RAPGEF5: variants seen among roughly 807,000 people sequenced by gnomAD.
RAPGEF5 encodes the protein Rap guanine nucleotide exchange factor 5, also known as M-Ras-regulated GEF.
In RAPGEF5, 65 loss-of-function variants were observed where a neutral mutation model predicts 125.2. The ratio of observed to expected loss-of-function variants is 0.52; its 90% CI spans 0.43 to 0.64. The LOEUF (loss-of-function observed/expected upper bound fraction) is 0.64. Among genes scored for constraint, RAPGEF5 ranks in the 30% least tolerant of loss-of-function variants. RAPGEF5 has a pLI of 0.00. For synonymous variants in RAPGEF5, 391 were observed against 385.9 expected, an observed-to-expected ratio of 1.01 and a Z score of -0.16; for missense variants, 958 against 1,048.1, an observed-to-expected ratio of 0.91 and a Z score of 1.19.
intron 5 of RAPGEF5, among the ~76,000 whole-genome samples, chr7:22,296,524 C>G (rs926265571): frequency 3.3e-5 from 5 of 152,236 alleles, no homozygotes; most frequent in Middle Eastern, 3.4e-3. Context: ...CTGCCCCTAA[C>G]TGTTTGGTAC....
intron 5 of RAPGEF5, among the ~76,000 whole-genome samples, chr7:22,302,775 C>T (rs1364350101): frequency 7.0e-6 from 1 of 142,798 alleles, no homozygotes; most frequent in African/African-American, 2.6e-5. Flanking sequence ...CCCCACCCCA[C>T]CCCCGCCTTT....
chr7:22,195,781 G>C (rs1785135373), intron 9 of RAPGEF5, among the ~76,000 whole-genome samples: 1 of 152,164 alleles, frequency 6.6e-6, no homozygotes, highest in South Asian at 2.1e-4. Context: ...ATGAGGGTCT[G>C]GGATGCTGAG....
chr7:22,236,576 T>C, intron 7 of RAPGEF5, among the ~76,000 whole-genome samples: 1 of 152,172 alleles, frequency 6.6e-6, no homozygotes, highest in Non-Finnish European at 1.5e-5. Context: ...CTCCTTCCCC[T>C]GAGCCTTCAC....
intron 17 of RAPGEF5, among the ~76,000 whole-genome samples, chr7:22,151,422 G>A (rs1783622228): frequency 6.6e-6 from 1 of 150,626 alleles, no homozygotes; most frequent in South Asian, 2.1e-4. Flanking sequence ...TAAAAAATAG[G>A]TATAAAACTT....
At chr7:22,341,793 T>C (rs1562537947) in intron 1 of RAPGEF5, among the ~76,000 whole-genome samples, 1 of 152,214 alleles carries the variant, frequency 6.6e-6, no homozygotes, top group Non-Finnish European at 1.5e-5. Context: ...CCCACAGCCT[T>C]GGGCAGCTCC....
rs369399023 is a variant in RAPGEF5 at position 22,133,228 on chromosome 7, GAAGGTGTC to G, written c.2417-2135_2417-2128del. Among the ~76,000 whole-genome samples the G allele has an allele frequency of 2.0e-5, 3 of 152,320 alleles. No homozygotes were observed. The East Asian group carries it at 5.8e-4, about 29-fold the overall frequency. On this transcript the variant is annotated intron_variant, in intron 23 of 25. Coordinates refer to ENST00000665637, the MANE Select transcript of RAPGEF5 (RefSeq NM_012294.5). ...TGGTACTGTCTAAGCATAAGGCAGG[GAAGGTGTC>G]AAGGGTGCTGGCCAGGTGAGAGGGG... is the stretch of plus-strand genomic sequence containing the variant.
chr7:22,254,537 G>A (rs1295961302), intron 7 of RAPGEF5, among the ~76,000 whole-genome samples: 3 of 150,146 alleles, frequency 2.0e-5, no homozygotes, highest in Non-Finnish European at 4.4e-5. Context: ...GAACTCAGGA[G>A]GCAGAGGTTG....
At chr7:22,356,195 T>C in intron 1 of RAPGEF5, 1 of 984,974 alleles carries the variant, frequency 1.0e-6, no homozygotes, top group Non-Finnish European at 1.2e-6. Flanking sequence ...CAGGAAATCG[T>C]ATCTGAACAC....
intron 6 of RAPGEF5, among the ~76,000 whole-genome samples, chr7:22,269,799 A>T (rs1007901735): frequency 6.6e-6 from 1 of 152,214 alleles, no homozygotes; most frequent in Non-Finnish European, 1.5e-5. Flanking sequence ...TGAGCCTTCA[A>T]ATAACTGAGG....
chr7:22,306,014 T>C (rs1398620060), intron 5 of RAPGEF5, among the ~76,000 whole-genome samples: 1 of 152,206 alleles, frequency 6.6e-6, no homozygotes, highest in Admixed American at 6.5e-5. Context: ...GCAAAAAACA[T>C]AGGAAAGCAG....
intron 9 of RAPGEF5, among the ~76,000 whole-genome samples, chr7:22,215,460 C>T (rs930429197): frequency 2.0e-5 from 3 of 152,220 alleles, no homozygotes; most frequent in Non-Finnish European, 4.4e-5. Context: ...ATTCTCTTCA[C>T]TGCTTCCTTG....
At chr7:22,323,133 T>C (rs1430201388) in intron 1 of RAPGEF5, among the ~76,000 whole-genome samples, 2 of 152,238 alleles carry the variant, frequency 1.3e-5, no homozygotes, top group African/African-American at 2.4e-5. Context: ...GACATAGCCC[T>C]AAGCTGAAGT....
chr7:22,285,988 G>T (rs1189834214), intron 6 of RAPGEF5, among the ~76,000 whole-genome samples: 2 of 152,222 alleles, frequency 1.3e-5, no homozygotes, highest in Non-Finnish European at 2.9e-5. Context: ...ACACAAGGGT[G>T]TAAGAGTGCC....
intron 8 of RAPGEF5, among the ~76,000 whole-genome samples, chr7:22,227,040 T>A (rs1785935632): frequency 6.6e-6 from 1 of 151,596 alleles, no homozygotes; most frequent in African/African-American, 2.4e-5. Context: ...TAATATATAG[T>A]ATTATAAATT....
chr7:22,232,571 T>C (rs1260818600), intron 7 of RAPGEF5, among the ~76,000 whole-genome samples: 4 of 152,160 alleles, frequency 2.6e-5, no homozygotes, highest in African/African-American at 7.2e-5. Flanking sequence ...TTGCCTGCCT[T>C]GGCCTCCCAA....
intron 5 of RAPGEF5, among the ~76,000 whole-genome samples, chr7:22,300,015 G>C (rs1783160450): frequency 6.6e-6 from 1 of 152,024 alleles, no homozygotes; most frequent in African/African-American, 2.4e-5. Flanking sequence ...CTACAGATTT[G>C]TCTCTCACTC....
chr7:22,209,551 G>A (rs1785464787), intron 9 of RAPGEF5, among the ~76,000 whole-genome samples: 1 of 152,136 alleles, frequency 6.6e-6, no homozygotes, highest in African/African-American at 2.4e-5. Context: ...CCTGAGTGTT[G>A]TTTTAATACT....
chr7:22,353,478 G>A (rs1235027961), intron 1 of RAPGEF5, among the ~76,000 whole-genome samples: 3 of 152,194 alleles, frequency 2.0e-5, no homozygotes, highest in Non-Finnish European at 2.9e-5. Flanking sequence ...ACAACATGAT[G>A]TACGGAATTT....
At chr7:22,165,937 T>C (rs1784147073) in intron 12 of RAPGEF5, among the ~76,000 whole-genome samples, 1 of 151,476 alleles carries the variant, frequency 6.6e-6, no homozygotes, top group African/African-American at 2.4e-5. Flanking sequence ...TCCCTCAGCA[T>C]CTCATGTAGC....
Sources: allele counts gnomAD v4.1 joint callset (sites outside exome capture counted in the v4.1 genomes callset), GRCh38; gene constraint gnomAD v4.1.1; transcripts MANE v1.5; gene names NCBI Gene and HGNC (gene_info 2026-07-23, HGNC 2026-07-21).